Variants in SGCZ observed in about 807,000 individuals in gnomAD.
SGCZ encodes sarcoglycan zeta.
A neutral mutation model predicts 41.3 loss-of-function variants in SGCZ; 40 were observed. The observed-to-expected ratio is 0.97, with a 90% CI of 0.75 to 1.26. The LOEUF (loss-of-function observed/expected upper bound fraction) is 1.26, where lower values mean the gene tolerates loss of function less well. SGCZ is among the 50% of genes most tolerant of loss of function. The probability of loss-of-function intolerance (pLI) is 0.00; values close to 1 mark genes in which losing one functional copy is unlikely to be tolerated. For missense variants in SGCZ, 552 were observed against 369.8 expected (o/e 1.49, Z -4.04); for synonymous variants, 206 against 137.5 (o/e 1.50, Z -3.49).
intron 3 of SGCZ, among the ~76,000 whole-genome samples, chr8:14,246,073 T>G (rs1028004323): frequency 3.9e-5 from 6 of 152,164 alleles, no homozygotes; most frequent in African/African-American, 1.4e-4. Flanking sequence ...GAAATACCAT[T>G]TGACCCAGCC....
chr8:14,106,070 T>A (rs1563129757), intron 6 of SGCZ, among the ~76,000 whole-genome samples: 3 of 152,214 alleles, frequency 2.0e-5, no homozygotes, highest in Non-Finnish European at 2.9e-5. Flanking sequence ...CTGCAGCCAC[T>A]TTCCTTATAT....
chr8:14,852,262 A>C (rs1460646508), intron 1 of SGCZ, among the ~76,000 whole-genome samples: 1 of 152,328 alleles, frequency 6.6e-6, no homozygotes, highest in South Asian at 2.1e-4. Flanking sequence ...CTTATGTTCA[A>C]GTCCAAGAAC....
At chr8:14,631,107 A>C (rs73188118) in intron 1 of SGCZ, among the ~76,000 whole-genome samples, 7,499 of 152,078 alleles carry the variant, frequency 0.049, 233 homozygotes, top group South Asian at 0.14. Context: ...CTATTTTCGT[A>C]ATTAGTTCCC....
chr8:15,097,647 T>C (rs1018550403), intron 1 of SGCZ, among the ~76,000 whole-genome samples: 6 of 151,144 alleles, frequency 4.0e-5, no homozygotes, highest in Non-Finnish European at 8.8e-5. Flanking sequence ...TACCAGCTAC[T>C]GAGGCGAGAG....
At chr8:14,714,590 T>A in intron 1 of SGCZ, among the ~76,000 whole-genome samples, 1 of 152,214 alleles carries the variant, frequency 6.6e-6, no homozygotes, top group East Asian at 1.9e-4. Context: ...TGTCAAGTTT[T>A]CATGGCACAC....
intron 1 of SGCZ, among the ~76,000 whole-genome samples, chr8:14,641,602 C>A (rs1057122884): frequency 1.7e-4 from 26 of 151,548 alleles, no homozygotes; most frequent in Non-Finnish European, 1.5e-4. Context: ...AAGTAATAGC[C>A]AAATATTACT....
intron 1 of SGCZ, among the ~76,000 whole-genome samples, chr8:15,226,515 C>T (rs1476216796): frequency 6.6e-6 from 1 of 152,130 alleles, no homozygotes; most frequent in Non-Finnish European, 1.5e-5. Flanking sequence ...TTCCAGGAGC[C>T]ATCTTTTTCT....
At chr8:14,160,073 C>T (rs370180865) in intron 5 of SGCZ, among the ~76,000 whole-genome samples, 23 of 152,166 alleles carry the variant, frequency 1.5e-4, no homozygotes, top group Middle Eastern at 3.4e-3. Flanking sequence ...TTGGATTTCA[C>T]GATTCTTTCA....
chr8:15,050,864 C>T (rs1422753603), intron 1 of SGCZ, among the ~76,000 whole-genome samples: 2 of 152,160 alleles, frequency 1.3e-5, no homozygotes, highest in South Asian at 2.1e-4. Flanking sequence ...GAGATATTAG[C>T]ATATGCCTGA....
chr8:14,881,926 T>G lies in SGCZ; in HGVS notation c.40-327000A>C, dbSNP rs1205748454. On this transcript the variant is annotated intron_variant, in intron 1 of 7. Coordinates refer to ENST00000382080, the MANE Select transcript of SGCZ (RefSeq NM_139167.4). ...TAGAACTCAGGATTAAGAAACTCAC[T>G]CAAAACCAAAGAACTACATGGAAAT... is the stretch of plus-strand genomic sequence containing the variant. Among the ~76,000 whole-genome samples, 3 of 152,120 alleles carry G rather than the reference T, an allele frequency of 2.0e-5. No homozygotes were observed. The East Asian group carries it at 5.8e-4, about 29-fold the overall frequency.
At chr8:14,161,042 CA>C (rs1474075738) in intron 5 of SGCZ, among the ~76,000 whole-genome samples, 20 of 152,318 alleles carry the variant, frequency 1.3e-4, no homozygotes, top group African/African-American at 4.8e-4. Context: ...ATAAACTTCA[CA>C]CATATCTGTC....
intron 1 of SGCZ, among the ~76,000 whole-genome samples, chr8:15,020,545 G>C (rs1277447543): frequency 6.6e-6 from 1 of 152,100 alleles, no homozygotes; most frequent in Non-Finnish European, 1.5e-5. Context: ...ATCGCTGTCA[G>C]CTCGCCACCA....
chr8:14,449,116 G>A (rs1303580129), intron 2 of SGCZ, among the ~76,000 whole-genome samples: 1 of 152,150 alleles, frequency 6.6e-6, no homozygotes, highest in Non-Finnish European at 1.5e-5. Flanking sequence ...CCCAGGCATA[G>A]CAAAACATTC....
intron 3 of SGCZ, among the ~76,000 whole-genome samples, chr8:14,319,260 A>G (rs1281444711): frequency 6.6e-6 from 1 of 151,986 alleles, no homozygotes; most frequent in Non-Finnish European, 1.5e-5. Context: ...CATTCATGTC[A>G]TCAAAAGGAG....
intron 2 of SGCZ, among the ~76,000 whole-genome samples, chr8:14,396,649 A>G (rs530285993): frequency 1.3e-4 from 20 of 152,188 alleles, no homozygotes; most frequent in Admixed American, 3.3e-4. Flanking sequence ...CTGGTAGCTA[A>G]TATAACGACT....
intron 1 of SGCZ, among the ~76,000 whole-genome samples, chr8:15,002,356 T>C (rs986595851): frequency 6.6e-6 from 1 of 152,212 alleles, no homozygotes; most frequent in Non-Finnish European, 1.5e-5. Flanking sequence ...GCACGGTTGG[T>C]GCCTTCTGAG....
intron 2 of SGCZ, among the ~76,000 whole-genome samples, chr8:14,494,177 A>C (rs1308134126): frequency 1.3e-5 from 2 of 152,302 alleles, no homozygotes; most frequent in East Asian, 3.9e-4. Flanking sequence ...AACACAGAAA[A>C]ATTTGGTGTT....
intron 1 of SGCZ, among the ~76,000 whole-genome samples, chr8:15,026,934 G>A (rs1356688384): frequency 6.6e-6 from 1 of 152,122 alleles, no homozygotes; most frequent in Non-Finnish European, 1.5e-5. Flanking sequence ...CAATTGTGCT[G>A]ATGGTTAATA....
At chr8:14,286,941 T>A (rs1800656267) in intron 3 of SGCZ, among the ~76,000 whole-genome samples, 1 of 152,050 alleles carries the variant, frequency 6.6e-6, no homozygotes, top group South Asian at 2.1e-4. Flanking sequence ...GATTATACTA[T>A]AAATAAGCAT....
Sources: gnomAD v4.1 joint callset for allele counts (sites outside exome capture counted in the v4.1 genomes callset) on GRCh38, gnomAD v4.1.1 for gene constraint, MANE v1.5 for transcripts, NCBI Gene and HGNC (gene_info 2026-07-23, HGNC 2026-07-21) for gene names.